ESRRB: variants seen among roughly 807,000 people sequenced by gnomAD.
ESRRB encodes the protein estrogen related receptor beta.
A neutral mutation model predicts 46.0 loss-of-function variants in ESRRB; 16 were observed. The observed-to-expected ratio is 0.35, with a 90% CI of 0.24 to 0.53. The LOEUF (loss-of-function observed/expected upper bound fraction) is 0.53, where lower values mean the gene tolerates loss of function less well. Ranked by LOEUF, ESRRB falls within the 20% of genes least tolerant of loss-of-function variation. The pLI is 0.93. For synonymous variants in ESRRB, 246 were observed against 259.6 expected, an observed-to-expected ratio of 0.95 and a Z score of 0.50; for missense variants, 488 against 607.4, an observed-to-expected ratio of 0.80 and a Z score of 2.07.
intron 3 of ESRRB, among the ~76,000 whole-genome samples, chr14:76,473,335 G>T (rs989356120): frequency 2.6e-5 from 4 of 152,370 alleles, no homozygotes; most frequent in South Asian, 4.1e-4. Flanking sequence ...GGTGATGGGG[G>T]AAAGTTCTGG....
intron 1 of ESRRB, among the ~76,000 whole-genome samples, chr14:76,323,477 T>C (rs1359028656): frequency 6.6e-6 from 1 of 151,976 alleles, no homozygotes; most frequent in Non-Finnish European, 1.5e-5. Context: ...GCCTGGCTAA[T>C]TTTTTTAATT....
intron 1 of ESRRB, among the ~76,000 whole-genome samples, chr14:76,430,333 A>C (rs1474631945): frequency 6.6e-6 from 1 of 152,100 alleles, no homozygotes; most frequent in East Asian, 1.9e-4. Flanking sequence ...AGAATCTCTC[A>C]AGTGTTCAGA....
intron 2 of ESRRB, among the ~76,000 whole-genome samples, chr14:76,460,066 T>A (rs182908136): frequency 5.6e-4 from 86 of 152,304 alleles, no homozygotes; most frequent in African/African-American, 1.9e-3. Context: ...GCACATTGAG[T>A]AATTTTGCTA....
intron 1 of ESRRB, among the ~76,000 whole-genome samples, chr14:76,339,958 G>A (rs1285334447): frequency 6.6e-6 from 1 of 152,126 alleles, no homozygotes; most frequent in Non-Finnish European, 1.5e-5. Context: ...ATCCATCCGG[G>A]TGGGATTTCT....
At chr14:76,333,969 C>A (rs1363141236) in intron 1 of ESRRB, among the ~76,000 whole-genome samples, 1 of 151,972 alleles carries the variant, frequency 6.6e-6, no homozygotes, top group African/African-American at 2.4e-5. Flanking sequence ...TTGCTCTGTG[C>A]CTTAGTTTCC....
At chr14:76,431,150 C>G (rs1887425520) in intron 1 of ESRRB, among the ~76,000 whole-genome samples, 1 of 152,162 alleles carries the variant, frequency 6.6e-6, no homozygotes, top group Admixed American at 6.5e-5. Flanking sequence ...CAAAAATTAG[C>G]CAGGCATGGG....
intron 1 of ESRRB, among the ~76,000 whole-genome samples, chr14:76,316,446 G>A (rs1447483038): frequency 1.4e-5 from 2 of 148,122 alleles, no homozygotes; most frequent in Admixed American, 7.0e-5. Flanking sequence ...CATAGTAGTA[G>A]TACAATTAGT....
intron 1 of ESRRB, among the ~76,000 whole-genome samples, chr14:76,396,139 C>T (rs1175501592): frequency 6.6e-6 from 1 of 152,100 alleles, no homozygotes; most frequent in Non-Finnish European, 1.5e-5. Flanking sequence ...CGCCACTGCA[C>T]TCCAACCTGG....
intron 2 of ESRRB, among the ~76,000 whole-genome samples, chr14:76,452,823 G>A (rs1331925189): frequency 2.0e-5 from 3 of 152,146 alleles, no homozygotes; most frequent in African/African-American, 4.8e-5. Context: ...GAGTCAGGGT[G>A]GGAAGGAGCA....
chr14:76,415,435 G>A (rs899457401), intron 1 of ESRRB, among the ~76,000 whole-genome samples: 1 of 152,122 alleles, frequency 6.6e-6, no homozygotes, highest in African/African-American at 2.4e-5. Flanking sequence ...GCCGAGACGG[G>A]CAGATCACGA....
At chr14:76,398,201 C>T (rs1038743112) in intron 1 of ESRRB, among the ~76,000 whole-genome samples, 12 of 152,198 alleles carry the variant, frequency 7.9e-5, no homozygotes, top group African/African-American at 2.9e-4. Flanking sequence ...TTTTGAATTT[C>T]ACAACTGTCC....
intron 1 of ESRRB, among the ~76,000 whole-genome samples, chr14:76,415,774 C>T (rs889564605): frequency 4.6e-5 from 7 of 152,042 alleles, no homozygotes; most frequent in East Asian, 1.9e-4. Flanking sequence ...CCCAAAGTGC[C>T]GGGATTACAG....
rs1890506260 is a variant in ESRRB at position 76,498,202 on chromosome 14, T to C, written c.1121-12T>C. On this transcript the variant is annotated splice_polypyrimidine_tract_variant and intron_variant, in intron 6 of 6. Transcript: ENST00000644823. ...TGGCCAAGCCTGCTAATGCTCGTCC[T>C]TGTGCCTGCAGATTCCATGTACATC... The C allele has an allele frequency of 1.2e-6, 2 of 1,613,558 alleles. No homozygotes were observed. Among genetic ancestry groups the C allele is most frequent in the South Asian group, 2.2e-5 (2 of 91,022 alleles).
At chr14:76,443,921 C>T (rs1478727356) in intron 2 of ESRRB, among the ~76,000 whole-genome samples, 1 of 152,234 alleles carries the variant, frequency 6.6e-6, no homozygotes, top group Non-Finnish European at 1.5e-5. Flanking sequence ...GCAGCCTCTT[C>T]TCTTTCCACA....
chr14:76,340,917 A>G (rs563553883), intron 1 of ESRRB, among the ~76,000 whole-genome samples: 2 of 152,246 alleles, frequency 1.3e-5, no homozygotes, highest in South Asian at 4.2e-4. Flanking sequence ...AGTGAGCTCG[A>G]TCATTGGTTC....
intron 1 of ESRRB, among the ~76,000 whole-genome samples, chr14:76,320,573 G>A (rs988028637): frequency 6.6e-6 from 1 of 152,200 alleles, no homozygotes; most frequent in African/African-American, 2.4e-5. Context: ...GCCTGGACAC[G>A]GCAGGCACTT....
chr14:76,358,926 G>C (rs1003496999), intron 1 of ESRRB, among the ~76,000 whole-genome samples: 2 of 152,136 alleles, frequency 1.3e-5, no homozygotes, highest in Non-Finnish European at 2.9e-5. Context: ...CAGATTGCTG[G>C]TCCCCACCCG....
intron 1 of ESRRB, among the ~76,000 whole-genome samples, chr14:76,386,859 C>T (rs540175127): frequency 6.6e-5 from 10 of 152,178 alleles, no homozygotes; most frequent in Non-Finnish European, 1.5e-4. Flanking sequence ...AATGAGGTCT[C>T]CTAACAGCAC....
At chr14:76,331,493 G>A (rs1456269242) in intron 1 of ESRRB, among the ~76,000 whole-genome samples, 1 of 152,158 alleles carries the variant, frequency 6.6e-6, no homozygotes, top group Admixed American at 6.5e-5. Context: ...GACGTGAGAG[G>A]GAGGAAGTGT....
Sources: allele counts gnomAD v4.1 joint callset (sites outside exome capture counted in the v4.1 genomes callset), GRCh38; gene constraint gnomAD v4.1.1; transcripts MANE v1.5; gene names NCBI Gene and HGNC (gene_info 2026-07-23, HGNC 2026-07-21).